NOVA1: variants seen among roughly 807,000 people sequenced by gnomAD.
NOVA1 encodes NOVA alternative splicing regulator 1.
In NOVA1, 7 loss-of-function variants were observed where a neutral mutation model predicts 38.0. The observed-to-expected ratio is 0.18, with a 90% confidence interval of 0.10 to 0.35. The LOEUF (loss-of-function observed/expected upper bound fraction) is 0.35, where lower values mean the gene tolerates loss of function less well. Among genes scored for constraint, NOVA1 ranks in the 10% least tolerant of loss-of-function variants. The pLI, the probability that NOVA1 is intolerant of heterozygous loss-of-function variation, is 1.00. For missense variants in NOVA1, 460 were observed against 616.0 expected (o/e 0.75, Z 2.68); for synonymous variants, 270 against 232.5 (o/e 1.16, Z -1.47).
At chr14:26,545,058 T>C (rs1189072706) in intron 2 of NOVA1, among the ~76,000 whole-genome samples, 1 of 152,098 alleles carries the variant, frequency 6.6e-6, no homozygotes. Flanking sequence ...TGAATTTGTT[T>C]AGGGAACACA....
At chr14:26,474,781 C>T (rs956121223) in intron 3 of NOVA1, among the ~76,000 whole-genome samples, 3 of 151,748 alleles carry the variant, frequency 2.0e-5, no homozygotes, top group African/African-American at 7.3e-5. Context: ...TGAAATGTTA[C>T]AGTAAGTTGT....
chr14:26,577,356 A>G (rs779553314), intron 2 of NOVA1, among the ~76,000 whole-genome samples: 1 of 152,098 alleles, frequency 6.6e-6, no homozygotes, highest in Non-Finnish European at 1.5e-5. Flanking sequence ...AAAATTAAAC[A>G]TGAATCTAGA....
intron 2 of NOVA1, among the ~76,000 whole-genome samples, chr14:26,548,118 G>A (rs193088934): frequency 1.2e-4 from 18 of 149,584 alleles, no homozygotes; most frequent in African/African-American, 4.2e-4. Context: ...TAGGAAATCC[G>A]ACCCCCTCTA....
Position 26,448,406 on chromosome 14 carries a change from GGCTGCT to G in NOVA1, c.1071_1076del (p.Ala358_Ala359del). On this transcript the variant is annotated inframe_deletion, in exon 5 of 5. Transcript: ENST00000539517. The surrounding 1 kb of genome is among the most constrained non-coding windows in gnomAD (Gnocchi z 5.3). ...CACTGGCATAGGTGGCCAATAAATTGGCTGCTGCTGCTGCTGGGTTGGCACTGGCAG... is the reference window on the plus strand; with the variant it reads ...CACTGGCATAGGTGGCCAATAAATTGGCTGCTGCTGGGTTGGCACTGGCAG... 6.2e-7 allele frequency: 1 copy of G among 1,611,892 alleles called. No individual in the cohort carries two copies. Among genetic ancestry groups the G allele is most frequent in the Non-Finnish European group, 8.5e-7 (1 of 1,179,426 alleles).
intron 2 of NOVA1, among the ~76,000 whole-genome samples, chr14:26,583,564 C>A (rs1457628862): frequency 2.0e-5 from 3 of 151,362 alleles, no homozygotes; most frequent in Non-Finnish European, 4.4e-5. Context: ...ACACAAGTAG[C>A]CAATAATTGC....
chr14:26,470,920 C>T (rs372754008), intron 4 of NOVA1, among the ~76,000 whole-genome samples: 1 of 151,966 alleles, frequency 6.6e-6, no homozygotes. Context: ...AGTTGTTTTC[C>T]TAAAAGGTTT....
At chr14:26,473,216 T>C (rs1337362478) in intron 3 of NOVA1, among the ~76,000 whole-genome samples, 1 of 151,618 alleles carries the variant, frequency 6.6e-6, no homozygotes, top group South Asian at 2.1e-4. Context: ...ATATAATATG[T>C]TGTATAAGGC....
At chr14:26,582,631 A>C (rs902290539) in intron 2 of NOVA1, among the ~76,000 whole-genome samples, 4 of 151,838 alleles carry the variant, frequency 2.6e-5, no homozygotes, top group Admixed American at 6.6e-5. Context: ...AAATATACAT[A>C]ATTACTATTT....
chr14:26,561,001 T>C (rs1951074), intron 2 of NOVA1, among the ~76,000 whole-genome samples: 53,406 of 152,078 alleles, frequency 0.35, 11,297 homozygotes, highest in African/African-American at 0.6. Flanking sequence ...GGGATGGTTT[T>C]GGGATGAAAC....
Position 26,598,004 on chromosome 14 carries a change from T to TGCC in NOVA1, c.-571_-569dup, listed in dbSNP as rs776199102. 3.4e-4 allele frequency among the ~76,000 whole-genome samples: 51 copies of TGCC among 151,052 alleles called. No individual in the cohort carries two copies. In the East Asian group the frequency reaches 8.0e-3, roughly 24 times the overall value. On this transcript the variant is annotated 5_prime_UTR_variant, in exon 1 of 5. Coordinates refer to ENST00000539517, the MANE Select transcript of NOVA1 (RefSeq NM_002515.3). Reference sequence around the variant, plus strand: ...TTGCGCTCGCTCCCGCTGCTGGTGCTGCCGCCGCCGCCGCTGCCGGAGCGG... The same window carrying TGCC: ...TTGCGCTCGCTCCCGCTGCTGGTGCTGCCGCCGCCGCCGCCGCTGCCGGAGCGG...
chr14:26,512,329 C>T (rs528068003), intron 2 of NOVA1, among the ~76,000 whole-genome samples: 3 of 152,234 alleles, frequency 2.0e-5, no homozygotes, highest in African/African-American at 7.2e-5. Context: ...CTTCTAACTA[C>T]AAAGGAGTAA....
intron 2 of NOVA1, among the ~76,000 whole-genome samples, chr14:26,509,330 T>A (rs1887880024): frequency 6.6e-6 from 1 of 152,142 alleles, no homozygotes; most frequent in African/African-American, 2.4e-5. Context: ...GATAAGATTA[T>A]GAAATATTGA....
chr14:26,471,142 C>T (rs1438917415), intron 4 of NOVA1, among the ~76,000 whole-genome samples: 1 of 151,846 alleles, frequency 6.6e-6, no homozygotes, highest in East Asian at 1.9e-4. Flanking sequence ...TTATAAAATG[C>T]TTTTGTTTGA....
chr14:26,462,236 ACAC>A (rs1423457231), intron 4 of NOVA1, among the ~76,000 whole-genome samples: 1 of 152,156 alleles, frequency 6.6e-6, no homozygotes, highest in Non-Finnish European at 1.5e-5. Context: ...TAATTAGTAA[ACAC>A]CAACTATTCT....
intron 2 of NOVA1, among the ~76,000 whole-genome samples, chr14:26,565,593 G>C (rs1892088344): frequency 6.6e-6 from 1 of 152,062 alleles, no homozygotes; most frequent in Non-Finnish European, 1.5e-5. Flanking sequence ...CAACAAACTT[G>C]ATAGACAAGA....
chr14:26,565,096 T>C (rs1240368112), intron 2 of NOVA1, among the ~76,000 whole-genome samples: 1 of 152,088 alleles, frequency 6.6e-6, no homozygotes, highest in African/African-American at 2.4e-5. Flanking sequence ...GTCCTGTAAA[T>C]TTGAAAAAGA....
At chr14:26,582,512 C>T (rs1332094406) in intron 2 of NOVA1, among the ~76,000 whole-genome samples, 2 of 151,762 alleles carry the variant, frequency 1.3e-5, no homozygotes, top group Non-Finnish European at 3.0e-5. Context: ...AAAGCTTTTC[C>T]TATGCACTTT....
intron 2 of NOVA1, among the ~76,000 whole-genome samples, chr14:26,522,909 T>C (rs1889000454): frequency 6.6e-6 from 1 of 152,180 alleles, no homozygotes; most frequent in African/African-American, 2.4e-5. Flanking sequence ...ATATCACAAA[T>C]ATTTTTGCCA....
intron 2 of NOVA1, among the ~76,000 whole-genome samples, chr14:26,563,619 A>G (rs1401293399): frequency 1.3e-5 from 2 of 152,058 alleles, no homozygotes; most frequent in African/African-American, 2.4e-5. Context: ...TCAGCCTACA[A>G]TTATATACAT....
Sources: allele counts gnomAD v4.1 joint callset (sites outside exome capture counted in the v4.1 genomes callset), GRCh38; gene constraint gnomAD v4.1.1; non-coding constraint Gnocchi (gnomAD v3.1); transcripts MANE v1.5; gene names NCBI Gene and HGNC (gene_info 2026-07-23, HGNC 2026-07-21).